The following ERC2 variants were observed in gnomAD, a reference collection of about 807,000 sequenced individuals.
ERC2 encodes the protein ERC protein 2.
In ERC2, 42 loss-of-function variants were observed where a neutral mutation model predicts 114.8. That is an observed-to-expected ratio of 0.37 (90% CI 0.29 to 0.47). ERC2 has a LOEUF of 0.47. ERC2 is among the 20% of genes least tolerant of loss of function. ERC2 has a pLI of 0.99. For synonymous variants in ERC2, 454 were observed against 425.5 expected, an observed-to-expected ratio of 1.07 and a Z score of -0.82; for missense variants, 939 against 1,150.7, an observed-to-expected ratio of 0.82 and a Z score of 2.66.
At chr3:55,804,703 C>A (rs1575653633) in intron 14 of ERC2, among the ~76,000 whole-genome samples, 1 of 152,224 alleles carries the variant, frequency 6.6e-6, no homozygotes, top group African/African-American at 2.4e-5. Flanking sequence ...CGGTGACTAA[C>A]AGAATCCAGG....
At chr3:55,742,910 G>A (rs1478478280) in intron 14 of ERC2, among the ~76,000 whole-genome samples, 1 of 152,146 alleles carries the variant, frequency 6.6e-6, no homozygotes, top group Non-Finnish European at 1.5e-5. Context: ...TATGCAGAAG[G>A]GGCCATGCAG....
chr3:56,068,035 A>G (rs2076561002), intron 7 of ERC2, among the ~76,000 whole-genome samples: 1 of 152,204 alleles, frequency 6.6e-6, no homozygotes, highest in African/African-American at 2.4e-5. Flanking sequence ...TTTTGGTATC[A>G]GGATGATGCT....
At chr3:55,729,152 T>C (rs983952252) in intron 15 of ERC2, among the ~76,000 whole-genome samples, 12 of 152,180 alleles carry the variant, frequency 7.9e-5, no homozygotes, top group African/African-American at 2.9e-4. Context: ...TACACCACTC[T>C]TAGCAGATCC....
chr3:56,049,557 A>G (rs374195099), intron 7 of ERC2, among the ~76,000 whole-genome samples: 30 of 152,282 alleles, frequency 2.0e-4, no homozygotes, highest in African/African-American at 7.0e-4. Context: ...ACTCAACCTT[A>G]ATCTTGGTGG....
At chr3:56,248,218 G>A (rs758495673) in intron 3 of ERC2, among the ~76,000 whole-genome samples, 9 of 152,034 alleles carry the variant, frequency 5.9e-5, no homozygotes, top group Middle Eastern at 3.4e-3. Context: ...TCAGCCTCCC[G>A]AATACCTAGG....
At chr3:55,760,736 AC>A (rs974513181) in intron 14 of ERC2, among the ~76,000 whole-genome samples, 89 of 152,238 alleles carry the variant, frequency 5.8e-4, no homozygotes, top group African/African-American at 2.1e-3. Flanking sequence ...GTGCACGTGA[AC>A]ACGCCATGTA....
intron 17 of ERC2, among the ~76,000 whole-genome samples, chr3:55,637,497 G>C (rs2060006537): frequency 6.6e-6 from 1 of 152,154 alleles, no homozygotes. Context: ...GCACAGACTG[G>C]GAGCAGAGAC....
chr3:55,579,711 T>C (rs1016955077), intron 17 of ERC2, among the ~76,000 whole-genome samples: 1 of 152,200 alleles, frequency 6.6e-6, no homozygotes, highest in Non-Finnish European at 1.5e-5. Context: ...GATTCATTCT[T>C]CCACCCAGCA....
At chr3:56,095,685 A>G (rs915293176) in intron 6 of ERC2, among the ~76,000 whole-genome samples, 1 of 152,200 alleles carries the variant, frequency 6.6e-6, no homozygotes. Context: ...AAAGATTCCT[A>G]TGAGGAACTA....
intron 17 of ERC2, among the ~76,000 whole-genome samples, chr3:55,532,449 A>G (rs1167248): frequency 0.44 from 67,000 of 151,966 alleles, 15,379 homozygotes; most frequent in East Asian, 0.63. Context: ...CCTCAAACAA[A>G]CAAGCAAACA....
At chr3:55,771,432 G>T (rs954602316) in intron 14 of ERC2, among the ~76,000 whole-genome samples, 36 of 152,168 alleles carry the variant, frequency 2.4e-4, no homozygotes, top group African/African-American at 8.4e-4. Flanking sequence ...TGCTACCATT[G>T]CACAGAAGGG....
chr3:55,975,538 A>T (rs902020343), intron 12 of ERC2, among the ~76,000 whole-genome samples: 1 of 152,102 alleles, frequency 6.6e-6, no homozygotes, highest in Non-Finnish European at 1.5e-5. Flanking sequence ...TTTGTCTTTT[A>T]AAAAAATTTC....
intron 13 of ERC2, among the ~76,000 whole-genome samples, chr3:55,939,692 C>A (rs1384205660): frequency 2.6e-5 from 4 of 152,180 alleles, no homozygotes; most frequent in Non-Finnish European, 5.9e-5. Context: ...CTCACTATGA[C>A]CTGAACAATT....
intron 4 of ERC2, among the ~76,000 whole-genome samples, chr3:56,167,603 G>T (rs1240967277): frequency 6.6e-6 from 1 of 152,052 alleles, no homozygotes; most frequent in Non-Finnish European, 1.5e-5. Context: ...GGGATAAAGG[G>T]GTTTGTTGTT....
intron 10 of ERC2, 70 bp from the exon 11 acceptor site, chr3:55,992,320 A>G: frequency 3.0e-6 from 4 of 1,337,026 alleles, no homozygotes; most frequent in Non-Finnish European, 4.1e-6. Flanking sequence ...GCTGTCACCA[A>G]TGGTCCAGAA....
At chr3:55,595,339 C>T (rs534714672) in intron 17 of ERC2, among the ~76,000 whole-genome samples, 1 of 152,326 alleles carries the variant, frequency 6.6e-6, no homozygotes, top group Non-Finnish European at 1.5e-5. Context: ...TTCTCCTCAG[C>T]ATTCTGTCTC....
chr3:56,149,450 A>G (rs899327763), intron 4 of ERC2, among the ~76,000 whole-genome samples: 3 of 152,180 alleles, frequency 2.0e-5, no homozygotes, highest in Middle Eastern at 3.2e-3. Flanking sequence ...AAAACAGAAC[A>G]CCATTTAAGT....
intron 15 of ERC2, among the ~76,000 whole-genome samples, chr3:55,729,247 T>C (rs530119207): frequency 6.6e-6 from 1 of 152,274 alleles, no homozygotes; most frequent in African/African-American, 2.4e-5. Flanking sequence ...ACGCCAGCCA[T>C]ATTGGGCTCC....
At chr3:56,430,074 C>T (rs2061728286) in intron 2 of ERC2, among the ~76,000 whole-genome samples, 1 of 152,182 alleles carries the variant, frequency 6.6e-6, no homozygotes, top group Non-Finnish European at 1.5e-5. Context: ...CTTACCTCTA[C>T]CCTGTAATGG....
Sources: gnomAD v4.1 joint callset for allele counts (sites outside exome capture counted in the v4.1 genomes callset) on GRCh38, gnomAD v4.1.1 for gene constraint, MANE v1.5 for transcripts, NCBI Gene and HGNC (gene_info 2026-07-23, HGNC 2026-07-21) for gene names.